Variants in MAP7 observed in about 807,000 individuals in gnomAD.
The protein encoded by MAP7 is microtubule associated protein 7.
MAP7 carries 52 observed loss-of-function variants against 94.8 expected under a neutral mutation model. The ratio of observed to expected loss-of-function variants is 0.55; its 90% CI spans 0.44 to 0.69. MAP7 has a LOEUF of 0.69. Among genes scored for constraint, MAP7 ranks in the 30% least tolerant of loss-of-function variants. The pLI is 0.00. For synonymous variants in MAP7, 350 were observed against 357.0 expected (o/e 0.98, Z 0.22); for missense variants, 940 against 964.6 (o/e 0.97, Z 0.34).
At chr6:136,529,833 A>G (rs1828326190) in intron 1 of MAP7, among the ~76,000 whole-genome samples, 1 of 152,132 alleles carries the variant, frequency 6.6e-6, no homozygotes, top group Non-Finnish European at 1.5e-5. Context: ...CAATAAATTT[A>G]TGTCTCTTTG....
chr6:136,548,492 A>G (rs931672536), intron 1 of MAP7, among the ~76,000 whole-genome samples: 2 of 152,226 alleles, frequency 1.3e-5, no homozygotes, highest in African/African-American at 4.8e-5. Context: ...TCAAGACCAT[A>G]TATAAAAAAT....
chr6:136,433,442 C>T (rs2128813242), intron 1 of MAP7, among the ~76,000 whole-genome samples: 1 of 152,366 alleles, frequency 6.6e-6, no homozygotes, highest in African/African-American at 2.4e-5. Flanking sequence ...GTAACTTACT[C>T]TCTTGCACTC....
intron 1 of MAP7, among the ~76,000 whole-genome samples, chr6:136,485,068 A>G (rs1003647871): frequency 6.6e-6 from 1 of 152,202 alleles, no homozygotes; most frequent in South Asian, 2.1e-4. Flanking sequence ...CTTCTACTGT[A>G]GCTCAGGATT....
At chr6:136,519,876 C>A (rs1353720304) in intron 1 of MAP7, among the ~76,000 whole-genome samples, 1 of 151,978 alleles carries the variant, frequency 6.6e-6, no homozygotes, top group Non-Finnish European at 1.5e-5. Context: ...TGTTTTTCCA[C>A]CAAAGAAAAA....
intron 1 of MAP7, among the ~76,000 whole-genome samples, chr6:136,527,033 G>A (rs145963234): frequency 1.3e-5 from 2 of 152,102 alleles, no homozygotes; most frequent in African/African-American, 4.8e-5. Context: ...AACCTATACT[G>A]GGGAATTCTC....
At position 136,411,712 on chromosome 6, in the gene MAP7, A is replaced by T. The variant is rs765868922; in HGVS notation, c.167-15T>A. ...AGGCGGAGGGTCTGAAAGCGAGATT[A>T]AAAAAAACATGAGATGAAGAGTGGA... On this transcript the variant is annotated splice_polypyrimidine_tract_variant and intron_variant, in intron 2 of 17. Coordinates refer to ENST00000354570, the MANE Select transcript of MAP7 (RefSeq NM_003980.6). The T allele has an allele frequency of 4.5e-5, 70 of 1,542,776 alleles. No individual in the cohort carries two copies. Among genetic ancestry groups the T allele is most frequent in the Admixed American group, 8.0e-5 (4 of 50,296 alleles).
At chr6:136,492,560 TGTC>T (rs962289647) in intron 1 of MAP7, among the ~76,000 whole-genome samples, 2 of 152,254 alleles carry the variant, frequency 1.3e-5, no homozygotes, top group African/African-American at 4.8e-5. Context: ...ATTTCTCTGT[TGTC>T]TGGTTTTTAT....
chr6:136,525,744 A>C, intron 1 of MAP7: 4 of 1,394,776 alleles, frequency 2.9e-6, no homozygotes, highest in Non-Finnish European at 3.8e-6. Flanking sequence ...AGCATGCACG[A>C]GCAGCACAGT....
intron 1 of MAP7, among the ~76,000 whole-genome samples, chr6:136,510,698 T>C (rs1293909053): frequency 6.6e-6 from 1 of 152,148 alleles, no homozygotes; most frequent in Non-Finnish European, 1.5e-5. Flanking sequence ...GCGACCATAC[T>C]CATATAACTT....
At chr6:136,416,714 G>T (rs1789557452) in intron 2 of MAP7, among the ~76,000 whole-genome samples, 1 of 152,008 alleles carries the variant, frequency 6.6e-6, no homozygotes, top group Admixed American at 6.6e-5. Context: ...GCTGAGGCAG[G>T]AGAATCGCTT....
chr6:136,421,534 A>G (rs1791354486), intron 2 of MAP7, among the ~76,000 whole-genome samples, 167 bp downstream of exon 2: 1 of 152,200 alleles, frequency 6.6e-6, no homozygotes, highest in South Asian at 2.1e-4. Context: ...ATATCATACA[A>G]TCCAGTAGGA....
intron 1 of MAP7, among the ~76,000 whole-genome samples, chr6:136,488,687 C>T (rs886325733): frequency 6.6e-6 from 1 of 152,036 alleles, no homozygotes; most frequent in African/African-American, 2.4e-5. Flanking sequence ...TCGTGATCTG[C>T]CTGCCTTGGT....
At chr6:136,546,186 T>A (rs1281902810) in intron 1 of MAP7, among the ~76,000 whole-genome samples, 1 of 152,096 alleles carries the variant, frequency 6.6e-6, no homozygotes, top group East Asian at 1.9e-4. Context: ...CTAATTTTTT[T>A]ATTTTTAGTA....
At chr6:136,421,549 G>A (rs1208352819) in intron 2 of MAP7, 152 bp downstream of exon 2, 2 of 631,454 alleles carry the variant, frequency 3.2e-6, no homozygotes, top group East Asian at 2.9e-5. Flanking sequence ...GTAGGAGTGT[G>A]TGTTTGGTGG....
chr6:136,401,260 A>G (rs143091030), intron 3 of MAP7, among the ~76,000 whole-genome samples: 107 of 152,272 alleles, frequency 7.0e-4, no homozygotes, highest in African/African-American at 2.5e-3. Context: ...GCTGAGGCAG[A>G]AGGGTCCCTT....
chr6:136,452,193 C>CAAACA (rs71006801), intron 1 of MAP7, among the ~76,000 whole-genome samples: 39,374 of 145,566 alleles, frequency 0.27, 5,550 homozygotes, highest in African/African-American at 0.33. Context: ...GACTCCGTCT[C>CAAACA]AAACAAAACA....
chr6:136,459,705 T>C (rs915586758), intron 1 of MAP7, among the ~76,000 whole-genome samples: 3 of 152,178 alleles, frequency 2.0e-5, no homozygotes, highest in Admixed American at 6.5e-5. Flanking sequence ...GTCAAACTCA[T>C]AGAAGCAGAG....
chr6:136,510,356 G>A (rs1822892157), intron 1 of MAP7, among the ~76,000 whole-genome samples: 1 of 152,156 alleles, frequency 6.6e-6, no homozygotes, highest in African/African-American at 2.4e-5. Context: ...AAAGAAACAG[G>A]AGGCTATGAG....
intron 1 of MAP7, among the ~76,000 whole-genome samples, chr6:136,451,308 T>C (rs1801041863): frequency 6.6e-6 from 1 of 152,228 alleles, no homozygotes; most frequent in Non-Finnish European, 1.5e-5. Flanking sequence ...TTATGGTATT[T>C]TGCTAAATCT....
Sources: gnomAD v4.1 joint callset for allele counts (sites outside exome capture counted in the v4.1 genomes callset) on GRCh38, gnomAD v4.1.1 for gene constraint, MANE v1.5 for transcripts, NCBI Gene and HGNC (gene_info 2026-07-23, HGNC 2026-07-21) for gene names.